DCLK1: variants seen among roughly 807,000 people sequenced by gnomAD.
The protein encoded by DCLK1 is doublecortin like kinase 1.
A neutral mutation model predicts 86.2 loss-of-function variants in DCLK1; 16 were observed. The ratio of observed to expected loss-of-function variants is 0.19; its 90% CI spans 0.13 to 0.28. The LOEUF is 0.28. Ranked by LOEUF, DCLK1 falls within the 10% of genes least tolerant of loss-of-function variation. The pLI is 1.00. For synonymous variants in DCLK1, 369 were observed against 370.5 expected (o/e 1.00, Z 0.05); for missense variants, 590 against 940.2 (o/e 0.63, Z 4.87).
intron 3 of DCLK1, among the ~76,000 whole-genome samples, chr13:36,021,599 T>C (rs1048301635): frequency 1.3e-5 from 2 of 152,084 alleles, no homozygotes; most frequent in African/African-American, 2.4e-5. Flanking sequence ...GGAGTGGCTA[T>C]GCTAACATCA....
intron 3 of DCLK1, among the ~76,000 whole-genome samples, chr13:35,982,143 C>T (rs539158617): frequency 1.2e-3 from 179 of 152,052 alleles, no homozygotes; most frequent in African/African-American, 4.1e-3. Flanking sequence ...CACACCCACC[C>T]GGAGGGATCC....
rs752981938 is a variant in DCLK1, at chr13:35,809,004, A to T, written c.1766+14T>A. 1.1e-4 allele frequency: 169 copies of T among 1,609,274 alleles called. No individual in the cohort carries two copies. The highest frequency in any genetic ancestry group is 4.8e-4 in the Admixed American group (29 of 59,898). On this transcript the variant is annotated intron_variant, in intron 13 of 16. Coordinates refer to ENST00000360631, the MANE Select transcript of DCLK1 (RefSeq NM_001330071.2). ...ATGCTTTGTCGGCGCTGAATAAAAG[A>T]TTGTTGCCCATACCCACGGAATGGA...
chr13:35,984,893 G>T (rs61948265), intron 3 of DCLK1, among the ~76,000 whole-genome samples: 3 of 132,564 alleles, frequency 2.3e-5, no homozygotes, highest in African/African-American at 8.9e-5. Context: ...CCCAGCGTGC[G>T]CATGCACACA....
At chr13:35,838,196 A>C (rs921667898) in intron 7 of DCLK1, among the ~76,000 whole-genome samples, 1 of 152,236 alleles carries the variant, frequency 6.6e-6, no homozygotes, top group Non-Finnish European at 1.5e-5. Context: ...GCTGAATTTC[A>C]TATTTCTGGA....
intron 16 of DCLK1, among the ~76,000 whole-genome samples, chr13:35,786,139 G>A (rs2086617033): frequency 6.6e-6 from 1 of 152,090 alleles, no homozygotes; most frequent in African/African-American, 2.4e-5. Context: ...ACCATCACTA[G>A]GATTTTAGTT....
At chr13:35,974,635 G>T (rs1048261223) in intron 3 of DCLK1, among the ~76,000 whole-genome samples, 3 of 152,140 alleles carry the variant, frequency 2.0e-5, no homozygotes, top group African/African-American at 7.2e-5. Flanking sequence ...GCCATGTAAA[G>T]TGTACCTGCT....
At chr13:35,882,524 T>C (rs973111778) in intron 4 of DCLK1, among the ~76,000 whole-genome samples, 8 of 152,238 alleles carry the variant, frequency 5.3e-5, no homozygotes, top group African/African-American at 1.9e-4. Flanking sequence ...AGAACCCTTC[T>C]AGGACTCTTT....
intron 8 of DCLK1, among the ~76,000 whole-genome samples, chr13:35,831,751 T>A (rs1003898144): frequency 7.2e-5 from 11 of 152,216 alleles, no homozygotes; most frequent in Non-Finnish European, 1.3e-4. Flanking sequence ...GAAAACTTTG[T>A]CTTCCTCCTT....
At chr13:35,920,688 T>C (rs1875746437) in intron 4 of DCLK1, among the ~76,000 whole-genome samples, 1 of 152,252 alleles carries the variant, frequency 6.6e-6, no homozygotes, top group African/African-American at 2.4e-5. Context: ...AACCGGAGAT[T>C]GAGGGCCATG....
At chr13:35,776,280 G>C (rs1442283212) in intron 16 of DCLK1, among the ~76,000 whole-genome samples, 1 of 152,154 alleles carries the variant, frequency 6.6e-6, no homozygotes, top group African/African-American at 2.4e-5. Flanking sequence ...AAACTGAAAT[G>C]TTCTGTTTGT....
At chr13:36,084,397 G>A (rs1884526201) in intron 3 of DCLK1, among the ~76,000 whole-genome samples, 1 of 152,112 alleles carries the variant, frequency 6.6e-6, no homozygotes, top group Non-Finnish European at 1.5e-5. Flanking sequence ...GTCAAACCTT[G>A]CAGCTATTTA....
intron 16 of DCLK1, 72 bp from the exon 17 acceptor site, chr13:35,774,771 CT>C (rs2086395523): frequency 6.6e-7 from 1 of 1,507,668 alleles, no homozygotes; most frequent in African/African-American, 1.4e-5. Context: ...CTTTCTAGAA[CT>C]TTCTGAGGTC....
rs78981961 is a variant in DCLK1, at chr13:35,996,850, T to C, written c.724-49393A>G. Among the ~76,000 whole-genome samples, 111 of 152,316 alleles carry C rather than the reference T, an allele frequency of 7.3e-4. 1 individual carries two copies. In the East Asian group the frequency reaches 0.02, roughly 27 times the overall value. On this transcript the variant is annotated intron_variant, in intron 3 of 16. Coordinates refer to ENST00000360631, the MANE Select transcript of DCLK1 (RefSeq NM_001330071.2). ...ATCCATATGGACAGCATAACTTTAT[T>C]TTTGCCCATTTAATACTGAGAGTGA...
chr13:36,042,910 A>G (rs1882744937), intron 3 of DCLK1, among the ~76,000 whole-genome samples: 1 of 152,356 alleles, frequency 6.6e-6, no homozygotes, highest in Non-Finnish European at 1.5e-5. Flanking sequence ...AAGGTGGTCT[A>G]ATACCCAATT....
chr13:35,965,766 T>C (rs1288345577), intron 3 of DCLK1, among the ~76,000 whole-genome samples: 1 of 152,146 alleles, frequency 6.6e-6, no homozygotes, highest in Admixed American at 6.6e-5. Context: ...GTAGAGCACT[T>C]GTATTCTCTC....
intron 3 of DCLK1, among the ~76,000 whole-genome samples, chr13:36,111,057 A>G (rs1885600329): frequency 6.6e-6 from 1 of 151,704 alleles, no homozygotes; most frequent in African/African-American, 2.4e-5. Context: ...GATGGTCTCG[A>G]TCTCCTGACC....
intron 3 of DCLK1, among the ~76,000 whole-genome samples, chr13:36,000,846 T>C (rs1287748428): frequency 1.3e-5 from 2 of 152,240 alleles, no homozygotes. Flanking sequence ...TAAATACATG[T>C]TGGTTAATTG....
intron 11 of DCLK1, among the ~76,000 whole-genome samples, chr13:35,817,330 G>A (rs568107804): frequency 4.6e-5 from 7 of 152,216 alleles, no homozygotes; most frequent in South Asian, 4.1e-4. Context: ...AAAATGTTGC[G>A]TCTTCTATTT....
At chr13:36,019,619 C>A (rs577082583) in intron 3 of DCLK1, among the ~76,000 whole-genome samples, 1 of 152,302 alleles carries the variant, frequency 6.6e-6, no homozygotes. Flanking sequence ...CGATTCTAAA[C>A]ATCATCACAT....
Sources: allele counts gnomAD v4.1 joint callset (sites outside exome capture counted in the v4.1 genomes callset), GRCh38; gene constraint gnomAD v4.1.1; transcripts MANE v1.5; gene names NCBI Gene and HGNC (gene_info 2026-07-23, HGNC 2026-07-21).